The following NALF1 variants were observed in gnomAD, a reference collection of about 807,000 sequenced individuals.
NALF1 encodes NALCN channel auxiliary factor 1.
Under a neutral mutation model 48.4 loss-of-function variants are expected in NALF1, and 3 were observed. That is an observed-to-expected ratio of 0.06 (90% CI 0.03 to 0.16). The LOEUF (loss-of-function observed/expected upper bound fraction) is 0.16. NALF1 is among the 10% of genes least tolerant of loss of function. The probability of loss-of-function intolerance (pLI) is 1.00; values close to 1 mark genes in which losing one functional copy is unlikely to be tolerated. For synonymous variants in NALF1, 262 were observed against 245.7 expected, an observed-to-expected ratio of 1.07 and a Z score of -0.62; for missense variants, 526 against 571.5, an observed-to-expected ratio of 0.92 and a Z score of 0.81.
chr13:107,754,212 AG>A (rs1877020435), intron 1 of NALF1, among the ~76,000 whole-genome samples: 1 of 152,170 alleles, frequency 6.6e-6, no homozygotes, highest in African/African-American at 2.4e-5. Flanking sequence ...TATTCAGTAA[AG>A]GTGAGATTAG....
chr13:107,777,691 C>T (rs978754697), intron 1 of NALF1, among the ~76,000 whole-genome samples: 1 of 152,138 alleles, frequency 6.6e-6, no homozygotes, highest in Non-Finnish European at 1.5e-5. Context: ...AACAGTGAGC[C>T]AATTAAACCC....
At chr13:107,538,446 T>A (rs1876905127) in intron 1 of NALF1, among the ~76,000 whole-genome samples, 2 of 152,318 alleles carry the variant, frequency 1.3e-5, no homozygotes, top group South Asian at 2.1e-4. Context: ...TTTTCTTATG[T>A]TAAAGGTGAA....
At chr13:107,782,698 C>A (rs1485260309) in intron 1 of NALF1, among the ~76,000 whole-genome samples, 2 of 150,068 alleles carry the variant, frequency 1.3e-5, no homozygotes, top group African/African-American at 4.9e-5. Flanking sequence ...AGTGCCTTTG[C>A]CCCGCCGCCC....
intron 1 of NALF1, among the ~76,000 whole-genome samples, chr13:107,794,363 C>A (rs753728386): frequency 2.0e-4 from 30 of 151,848 alleles, no homozygotes; most frequent in Non-Finnish European, 7.4e-5. Context: ...GTCCTTTTTT[C>A]CCGGTACTAT....
chr13:107,622,058 T>C (rs1041223850), intron 1 of NALF1, among the ~76,000 whole-genome samples: 2 of 151,912 alleles, frequency 1.3e-5, no homozygotes, highest in African/African-American at 2.4e-5. Flanking sequence ...AGTGACGCTA[T>C]CTCGGCTCAC....
At chr13:107,800,159 T>A (rs1391544709) in intron 1 of NALF1, among the ~76,000 whole-genome samples, 1 of 152,018 alleles carries the variant, frequency 6.6e-6, no homozygotes, top group Non-Finnish European at 1.5e-5. Context: ...AAGAGAAAGA[T>A]ACAAAGAAAA....
At chr13:107,852,787 C>CA (rs1460582194) in intron 1 of NALF1, among the ~76,000 whole-genome samples, 1 of 151,896 alleles carries the variant, frequency 6.6e-6, no homozygotes, top group Non-Finnish European at 1.5e-5. Context: ...GTCATGGCAT[C>CA]AAAAAAACAC....
intron 1 of NALF1, among the ~76,000 whole-genome samples, chr13:107,398,777 T>C (rs1883755898): frequency 1.3e-5 from 2 of 152,266 alleles, no homozygotes; most frequent in South Asian, 2.1e-4. Context: ...AAAGAATGAA[T>C]TGATGGTTAG....
At chr13:107,205,367 TA>T (rs776468032) in intron 2 of NALF1, among the ~76,000 whole-genome samples, 41 of 150,532 alleles carry the variant, frequency 2.7e-4, no homozygotes, top group Middle Eastern at 3.4e-3. Context: ...GCCAAACATT[TA>T]AAAAAAAAAT....
chr13:107,308,974 T>C (rs796772955), intron 1 of NALF1, among the ~76,000 whole-genome samples: 34 of 152,352 alleles, frequency 2.2e-4, no homozygotes, highest in African/African-American at 8.2e-4. Context: ...TTATTTGATT[T>C]CTAATTCAAT....
chr13:107,681,654 G>T (rs1881307245), intron 1 of NALF1, among the ~76,000 whole-genome samples: 1 of 152,088 alleles, frequency 6.6e-6, no homozygotes, highest in African/African-American at 2.4e-5. Flanking sequence ...CCCCAAGGCT[G>T]GTCCAATCTT....
chr13:107,749,174 C>T (rs1023345283), intron 1 of NALF1, among the ~76,000 whole-genome samples: 18 of 136,398 alleles, frequency 1.3e-4, no homozygotes, highest in African/African-American at 5.3e-4. Context: ...GTCTACGTGT[C>T]TGTGTGTCAC....
chr13:107,329,597 C>T (rs1010998639), intron 1 of NALF1, among the ~76,000 whole-genome samples: 6 of 151,772 alleles, frequency 4.0e-5, no homozygotes, highest in African/African-American at 1.5e-4. Context: ...GTGTGCTGCA[C>T]CCAGTAACTC....
chr13:107,826,658 T>G (rs1879530666), intron 1 of NALF1, among the ~76,000 whole-genome samples: 1 of 152,220 alleles, frequency 6.6e-6, no homozygotes, highest in South Asian at 2.1e-4. Flanking sequence ...TGTGCCTGCA[T>G]AAAACATACA....
chr13:107,437,250 G>T (rs1178902313), intron 1 of NALF1, among the ~76,000 whole-genome samples: 1 of 152,094 alleles, frequency 6.6e-6, no homozygotes, highest in Non-Finnish European at 1.5e-5. Context: ...ACCAAAACCT[G>T]CCCCACATGC....
chr13:107,517,409 T>C (rs560882870), intron 1 of NALF1, among the ~76,000 whole-genome samples: 2 of 151,576 alleles, frequency 1.3e-5, no homozygotes, highest in African/African-American at 4.8e-5. Context: ...GGAGGGTGGA[T>C]CACAAGATCA....
intron 1 of NALF1, among the ~76,000 whole-genome samples, chr13:107,432,314 C>T (rs1312161128): frequency 6.6e-6 from 1 of 152,200 alleles, no homozygotes; most frequent in East Asian, 1.9e-4. Context: ...GCCCCACCTG[C>T]AACCCTGGGG....
intron 1 of NALF1, among the ~76,000 whole-genome samples, chr13:107,503,778 T>A: frequency 6.7e-6 from 1 of 149,192 alleles, no homozygotes; most frequent in South Asian, 2.1e-4. Flanking sequence ...TGTGTGTGTG[T>A]GTGTGTGTGT....
At chr13:107,425,770 G>C (rs192200500) in intron 1 of NALF1, among the ~76,000 whole-genome samples, 13 of 152,058 alleles carry the variant, frequency 8.5e-5, no homozygotes, top group Admixed American at 8.5e-4. Flanking sequence ...TAAAATATTG[G>C]ATCCCTCTGT....
Sources: gnomAD v4.1 joint callset for allele counts (sites outside exome capture counted in the v4.1 genomes callset) on GRCh38, gnomAD v4.1.1 for gene constraint, MANE v1.5 for transcripts, NCBI Gene and HGNC (gene_info 2026-07-23, HGNC 2026-07-21) for gene names.